Variants in MCRS1 observed in about 807,000 individuals in gnomAD.
MCRS1 encodes microspherule protein 1, also known as 58 kDa microspherule protein.
In MCRS1, 22 loss-of-function variants were observed where a neutral mutation model predicts 62.9. The ratio of observed to expected loss-of-function variants is 0.35; its 90% CI spans 0.25 to 0.50. The LOEUF is 0.50. MCRS1 is among the 20% of genes least tolerant of loss of function. The pLI is 0.98. For missense variants in MCRS1, 456 were observed against 601.1 expected (o/e 0.76, Z 2.52); for synonymous variants, 244 against 233.5 (o/e 1.04, Z -0.41).
At position 49,558,419 on chromosome 12, in the gene MCRS1, G is replaced by A; in HGVS notation, c.*224C>T. The A allele has an allele frequency of 1.8e-6, 1 of 565,146 alleles. No individual in the cohort carries two copies. The highest frequency in any genetic ancestry group is 1.9e-5 in the African/African-American group (1 of 53,548). The allele number at this position is 565,146 out of a possible 1,614,324, so 35.0% of individuals were successfully genotyped here. A position where few individuals can be genotyped will look rare whatever the true frequency, so the allele number is the denominator to read the frequency against. ...TGGGGGGTAGGGTTGTTTTTAGAGA[G>A]AGGAAGATGGGGAGGGGCTCTGGAT... On this transcript the variant is annotated 3_prime_UTR_variant, in exon 15 of 15. Transcript: ENST00000343810.
chr12:49,558,907 T>C lies in MCRS1; in HGVS notation c.1238A>G (p.Tyr413Cys). 2.5e-6 allele frequency: 4 copies of C among 1,613,102 alleles called. No homozygotes were observed. Among genetic ancestry groups the C allele is most frequent in the Admixed American group, 1.7e-5 (1 of 60,014 alleles). Residue 413 changes from tyrosine (Y) to cysteine (C), a missense_variant, in exon 14 of 15, where the codon TAC becomes TGC. Around this residue, in one of 3 missense-constraint regions of MCRS1, gnomAD observed 393 missense variants for 523.5 expected, o/e 0.75. Coordinates refer to ENST00000343810, the MANE Select transcript of MCRS1 (RefSeq NM_006337.5). ...FIANEGRRPI[Y>C]IDGRPVLCGS... ...ACAGAGCACCGGCCGTCCATCGATG[T>C]AGATGGGCCGTCGACCCTCATTGGC...
intron 8 of MCRS1, among the ~76,000 whole-genome samples, chr12:49,562,742 T>G (rs977853090): frequency 3.3e-5 from 5 of 152,158 alleles, no homozygotes; most frequent in African/African-American, 9.7e-5. Context: ...AGACAAGAAA[T>G]GGTAGATAAC....
intron 3 of MCRS1, 36 bp downstream of exon 3, chr12:49,566,041 C>A: frequency 6.2e-7 from 1 of 1,601,028 alleles, no homozygotes; most frequent in Non-Finnish European, 8.5e-7. Flanking sequence ...GACCTTCTAC[C>A]CTTTCCCAGT....
Position 49,558,723 on chromosome 12 carries a change from T to C in MCRS1, c.1309A>G (p.Ser437Gly). Residue 437 changes from serine (S) to glycine (G), a missense_variant, in exon 15 of 15, where the codon AGC becomes GGC. Ser to Gly is a moderately conservative substitution (Grantham distance 56). Transcript: ENST00000343810. ...LSNNSVVEIA[S>G]LRFVFLINQD... ...TTGATAAGGAAGACGAATCGCAGGC[T>C]GGCGATCTGGGTGGGAGACAAAGGT... 6.2e-7 allele frequency: 1 copy of C among 1,613,826 alleles called. No individual in the cohort carries two copies. Among genetic ancestry groups the C allele is most frequent in the Non-Finnish European group, 8.5e-7 (1 of 1,180,010 alleles).
At chr12:49,566,621 A>T in intron 2 of MCRS1, 101 bp downstream of exon 2, 1 of 1,565,270 alleles carries the variant, frequency 6.4e-7, no homozygotes, top group South Asian at 1.2e-5. Context: ...GGAGGTGGCA[A>T]GGCCTAGCCA....
At chr12:49,566,903 T>A in intron 1 of MCRS1, 62 bp from the exon 2 acceptor site, 1 of 851,010 alleles carries the variant, frequency 1.2e-6, no homozygotes, top group Non-Finnish European at 1.9e-6. Flanking sequence ...CTCACTTCCT[T>A]ATACTGGCTC....
intron 6 of MCRS1, among the ~76,000 whole-genome samples, chr12:49,563,988 G>A (rs1339240396): frequency 6.6e-6 from 1 of 152,198 alleles, no homozygotes; most frequent in East Asian, 1.9e-4. Context: ...ACCAAGCTCT[G>A]AAGACATTAA....
intron 3 of MCRS1, 75 bp from the exon 4 acceptor site, chr12:49,565,742 G>C: frequency 5.6e-6 from 9 of 1,601,984 alleles, no homozygotes; most frequent in Non-Finnish European, 7.7e-6. Flanking sequence ...GCCCCCAAAA[G>C]AGAGCAGGTG....
intron 14 of MCRS1, 34 bp downstream of exon 14, chr12:49,558,809 T>C: frequency 6.2e-7 from 1 of 1,613,400 alleles, no homozygotes; most frequent in Non-Finnish European, 8.5e-7. Context: ...CGCCTAGGTC[T>C]CATCCTGGCC....
In MCRS1 at chr12:49,559,144, G is replaced by A. The variant is rs1938614997; in HGVS notation, c.1174+70C>T. 1 of 1,563,246 alleles carries A rather than the reference G, an allele frequency of 6.4e-7. No homozygotes were observed. Among genetic ancestry groups the A allele is most frequent in the African/African-American group, 1.3e-5 (1 of 74,110 alleles). On this transcript the variant is annotated intron_variant, in intron 13 of 14. Transcript: ENST00000343810. This position sits in a 1 kb window ranked among gnomAD's most constrained non-coding sequence, Gnocchi z 5.2. ...CCCATGGACACCAAGCCCAGGGCTA[G>A]AAAGGACAGCGAGAGGCTGGGAGGG...
rs565908965 is a variant in MCRS1, at chr12:49,566,425, G to A, written c.11-210C>T. Reference sequence around the variant, plus strand: ...ACCTTCCACGCTGGGCAGTTCCCCCGGTGCCACGTGTCATGTCGTGCAGCA... The same window carrying A: ...ACCTTCCACGCTGGGCAGTTCCCCCAGTGCCACGTGTCATGTCGTGCAGCA... On this transcript the variant is annotated intron_variant, in intron 2 of 14. Coordinates refer to ENST00000343810, the MANE Select transcript of MCRS1 (RefSeq NM_006337.5). The A allele has an allele frequency of 2.7e-5, 42 of 1,575,698 alleles. No homozygotes were observed. In the Admixed American group the frequency reaches 3.2e-4, roughly 12 times the overall value.
chr12:49,560,113 G>A, intron 9 of MCRS1, 146 bp from the exon 10 acceptor site: 1 of 1,304,308 alleles, frequency 7.7e-7, no homozygotes, highest in Admixed American at 1.7e-5. Flanking sequence ...TCTGGGGTTG[G>A]GCTGGGGATA....
chr12:49,565,206 C>A, intron 4 of MCRS1: 1 of 985,412 alleles, frequency 1.0e-6, no homozygotes, highest in Non-Finnish European at 1.2e-6. Context: ...GTGTCTAGGG[C>A]CACAGCAATG....
intron 6 of MCRS1, among the ~76,000 whole-genome samples, chr12:49,563,751 G>T (rs935244509): frequency 6.6e-6 from 1 of 152,164 alleles, no homozygotes; most frequent in African/African-American, 2.4e-5. Flanking sequence ...GAAAACGGAG[G>T]CCCCTATGTC....
chr12:49,563,614 T>C (rs1170229775), intron 6 of MCRS1, 68 bp from the exon 7 acceptor site: 4 of 1,221,346 alleles, frequency 3.3e-6, no homozygotes, highest in African/African-American at 3.0e-5. Flanking sequence ...GTTCCTACTA[T>C]TTCCCCCAAA....
At chr12:49,567,816 G>A (rs776954315) in intron 1 of MCRS1, 6 of 151,844 alleles carry the variant, frequency 4.0e-5, no homozygotes, top group African/African-American at 7.2e-5. Flanking sequence ...CTGGGGAGGT[G>A]GGGGTAAACT....
chr12:49,565,250 T>C, intron 4 of MCRS1: 2 of 985,432 alleles, frequency 2.0e-6, no homozygotes, highest in Non-Finnish European at 2.4e-6. Flanking sequence ...TCTGCAATGC[T>C]GGGAACAGGC....
chr12:49,563,374 G>A, intron 7 of MCRS1, 64 bp downstream of exon 7: 1 of 1,500,018 alleles, frequency 6.7e-7, no homozygotes, highest in South Asian at 1.2e-5. Context: ...CACATCAGTG[G>A]TTTTCTAGGT....
chr12:49,562,304 C>T (rs1938810357), intron 8 of MCRS1, among the ~76,000 whole-genome samples: 1 of 152,178 alleles, frequency 6.6e-6, no homozygotes. Flanking sequence ...AAATCAGAAC[C>T]CGAATTACAG....
Sources: gnomAD v4.1 joint callset for allele counts (sites outside exome capture counted in the v4.1 genomes callset) on GRCh38, gnomAD v4.1.1 for gene constraint, gnomAD v4.1.1 regional missense constraint, Gnocchi (gnomAD v3.1) non-coding constraint, MANE v1.5 for transcripts, NCBI Gene and HGNC (gene_info 2026-07-23, HGNC 2026-07-21) for gene names.